The following CCNT1 variants were observed in gnomAD, a reference collection of about 807,000 sequenced individuals.
CCNT1 encodes cyclin T1, also known as cyclin-T1.
A neutral mutation model predicts 67.3 loss-of-function variants in CCNT1; 18 were observed. That is an observed-to-expected ratio of 0.27 (90% confidence interval 0.18 to 0.40). The LOEUF (loss-of-function observed/expected upper bound fraction) is 0.40. Ranked by LOEUF, CCNT1 falls within the 10% of genes least tolerant of loss-of-function variation. CCNT1 has a pLI of 1.00. For synonymous variants in CCNT1, 333 were observed against 310.3 expected (o/e 1.07, Z -0.77); for missense variants, 744 against 884.9 (o/e 0.84, Z 2.02).
chr12:48,700,917 T>A, intron 4 of CCNT1, 96 bp downstream of exon 4: 1 of 719,676 alleles, frequency 1.4e-6, no homozygotes, highest in Non-Finnish European at 2.3e-6. Flanking sequence ...CTACAAAAAC[T>A]TTCCCAAGAA....
At chr12:48,704,328 A>G (rs1242804679) in intron 3 of CCNT1, among the ~76,000 whole-genome samples, 1 of 152,214 alleles carries the variant, frequency 6.6e-6, no homozygotes, top group Non-Finnish European at 1.5e-5. Context: ...CCCACCATAC[A>G]TATTGCCACC....
At chr12:48,696,384 G>A (rs1215545489) in intron 6 of CCNT1, among the ~76,000 whole-genome samples, 2 of 136,620 alleles carry the variant, frequency 1.5e-5, no homozygotes, top group Non-Finnish European at 3.1e-5. Flanking sequence ...AAAAACTCTT[G>A]AATTACACAT....
intron 3 of CCNT1, among the ~76,000 whole-genome samples, chr12:48,703,429 C>T (rs7964801): frequency 0.23 from 34,374 of 151,666 alleles, 4,840 homozygotes; most frequent in Non-Finnish European, 0.33. Flanking sequence ...CAAAATTAGC[C>T]GGGTGTAGTG....
Position 48,690,995 on chromosome 12 carries a change from T to C in CCNT1, c.*2038A>G, listed in dbSNP as rs1015050395. The stretch of plus-strand genomic sequence containing the variant: ...CCCTAAATGTACTAAACCACAACTA[T>C]ATATCTACCAATTATCTAACACAAC... On this transcript the variant is annotated 3_prime_UTR_variant, in exon 9 of 9. Coordinates refer to ENST00000261900, the MANE Select transcript of CCNT1 (RefSeq NM_001240.4). 2.6e-5 allele frequency: 4 copies of C among 152,176 alleles called. No individual in the cohort carries two copies. Among genetic ancestry groups the C allele is most frequent in the Non-Finnish European group, 5.9e-5 (4 of 68,018 alleles). The allele number at this position is 152,176 out of a possible 1,614,324, so 9.4% of individuals were successfully genotyped here.
chr12:48,704,402 T>C (rs186761862), intron 3 of CCNT1, among the ~76,000 whole-genome samples: 16 of 152,346 alleles, frequency 1.1e-4, no homozygotes, highest in Non-Finnish European at 1.6e-4. Flanking sequence ...TTGAACCCTG[T>C]GGTGAACTGC....
chr12:48,709,632 A>AG (rs1940418131), intron 2 of CCNT1, among the ~76,000 whole-genome samples: 1 of 152,236 alleles, frequency 6.6e-6, no homozygotes, highest in African/African-American at 2.4e-5. Flanking sequence ...AATAAAGGGA[A>AG]GTATGGAAAG....
At chr12:48,713,706 C>T (rs1158116263) in intron 2 of CCNT1, among the ~76,000 whole-genome samples, 2 of 152,142 alleles carry the variant, frequency 1.3e-5, no homozygotes, top group Admixed American at 1.3e-4. Flanking sequence ...ACTGCTTGAG[C>T]CCAGAAGGTT....
intron 6 of CCNT1, among the ~76,000 whole-genome samples, chr12:48,697,717 G>A (rs183948352): frequency 6.8e-6 from 1 of 147,384 alleles, no homozygotes; most frequent in Non-Finnish European, 1.5e-5. Flanking sequence ...TACTCGGGAG[G>A]CTGAGGCAGG....
chr12:48,700,195 T>C (rs1940241764), intron 4 of CCNT1, among the ~76,000 whole-genome samples: 1 of 151,672 alleles, frequency 6.6e-6, no homozygotes, highest in South Asian at 2.1e-4. Flanking sequence ...GGCGGGCGCC[T>C]GTAGTCCCAG....
At chr12:48,706,727 C>T (rs1350787397) in intron 2 of CCNT1, among the ~76,000 whole-genome samples, 1 of 152,114 alleles carries the variant, frequency 6.6e-6, no homozygotes, top group Non-Finnish European at 1.5e-5. Flanking sequence ...CAAAGAAATA[C>T]ATAAATAATT....
chr12:48,697,520 C>CT (rs1940188817), intron 6 of CCNT1, among the ~76,000 whole-genome samples: 2 of 85,998 alleles, frequency 2.3e-5, no homozygotes, highest in South Asian at 3.9e-4. Context: ...GAGACTCTGT[C>CT]TTAAAAAAAA....
At chr12:48,697,397 C>G (rs1940186329) in intron 6 of CCNT1, among the ~76,000 whole-genome samples, 1 of 151,270 alleles carries the variant, frequency 6.6e-6, no homozygotes, top group African/African-American at 2.4e-5. Flanking sequence ...TGGCGCCAGT[C>G]TATAATCCCA....
chr12:48,715,355 C>G (rs1036873286), intron 1 of CCNT1, among the ~76,000 whole-genome samples: 8 of 152,166 alleles, frequency 5.3e-5, no homozygotes, highest in African/African-American at 1.9e-4. Flanking sequence ...AAAATTTTCA[C>G]ACGCAGAGTG....
chr12:48,693,683 T>G lies in CCNT1; in HGVS notation c.1531A>C (p.Lys511Gln). Reference protein sequence around the residue: ...TKSREHKEKHKTHPSNHHHHH... With the variant: ...TKSREHKEKHQTHPSNHHHHH... ...TGATGATGATTAGATGGGTGAGTCTTGTGCTTTTCTTTGTGCTCTCGGCTC... is the reference window on the plus strand; with the variant it reads ...TGATGATGATTAGATGGGTGAGTCTGGTGCTTTTCTTTGTGCTCTCGGCTC... The change falls in exon 9 of 9, where the codon AAG (lysine) becomes CAG (glutamine). Residue 511 changes from lysine (K) to glutamine (Q), a missense_variant. Coordinates refer to ENST00000261900, the MANE Select transcript of CCNT1 (RefSeq NM_001240.4). 6.2e-7 allele frequency: 1 copy of G among 1,614,154 alleles called. No homozygotes were observed. The highest frequency in any genetic ancestry group is 8.5e-7 in the Non-Finnish European group (1 of 1,180,034).
At chr12:48,700,331 A>G (rs1457192758) in intron 4 of CCNT1, among the ~76,000 whole-genome samples, 1 of 150,586 alleles carries the variant, frequency 6.6e-6, no homozygotes, top group Non-Finnish European at 1.5e-5. Context: ...AAAAAAAAAA[A>G]AAAGAAAAAG....
intron 2 of CCNT1, among the ~76,000 whole-genome samples, chr12:48,711,643 A>G (rs1368858162): frequency 6.6e-6 from 1 of 152,162 alleles, no homozygotes; most frequent in East Asian, 1.9e-4. Flanking sequence ...GCTATCAGAT[A>G]GCCTCGTTAA....
intron 4 of CCNT1, among the ~76,000 whole-genome samples, chr12:48,700,067 C>A (rs1450245683): frequency 4.6e-5 from 7 of 152,112 alleles, no homozygotes; most frequent in Non-Finnish European, 1.5e-5. Flanking sequence ...AGCCTGTAAT[C>A]CCAGCACTTT....
intron 3 of CCNT1, 24 bp downstream of exon 3, chr12:48,705,744 A>G: frequency 6.3e-7 from 1 of 1,587,880 alleles, no homozygotes; most frequent in Non-Finnish European, 8.6e-7. Context: ...ATTAAGAAAA[A>G]CAGATGTGTA....
intron 3 of CCNT1, among the ~76,000 whole-genome samples, chr12:48,705,302 G>GTTGTTT (rs1555158657): frequency 4.0e-5 from 6 of 150,812 alleles, no homozygotes; most frequent in Non-Finnish European, 5.9e-5. Context: ...TGTTGTTGTT[G>GTTGTTT]TTTTTCTTTT....
Sources: gnomAD v4.1 joint callset for allele counts (sites outside exome capture counted in the v4.1 genomes callset) on GRCh38, gnomAD v4.1.1 for gene constraint, MANE v1.5 for transcripts, NCBI Gene and HGNC (gene_info 2026-07-23, HGNC 2026-07-21) for gene names.